Variants in ENPP6 observed in about 807,000 individuals in gnomAD.
ENPP6 encodes the protein glycerophosphocholine cholinephosphodiesterase ENPP6.
ENPP6 carries 32 observed loss-of-function variants against 42.0 expected under a neutral mutation model. That is an observed-to-expected ratio of 0.76 (90% CI 0.58 to 1.02). The LOEUF is 1.02. Among genes scored for constraint, ENPP6 ranks in the 50% least tolerant of loss-of-function variants. The pLI is 0.00. For missense variants in ENPP6, 552 were observed against 566.8 expected, an observed-to-expected ratio of 0.97 and a Z score of 0.27; for synonymous variants, 213 against 216.0, an observed-to-expected ratio of 0.99 and a Z score of 0.12.
chr4:184,200,861 T>A (rs538661046), intron 1 of ENPP6, among the ~76,000 whole-genome samples: 2 of 152,342 alleles, frequency 1.3e-5, no homozygotes, highest in East Asian at 3.9e-4. Flanking sequence ...TGCAGACATG[T>A]ACACACATTC....
At chr4:184,169,989 T>A (rs1428184285) in intron 1 of ENPP6, among the ~76,000 whole-genome samples, 1 of 152,222 alleles carries the variant, frequency 6.6e-6, no homozygotes, top group Admixed American at 6.5e-5. Context: ...TGTGCCTGTC[T>A]CTAGTACTGA....
At position 184,207,507 on chromosome 4, in the gene ENPP6, T is replaced by C. The variant is rs143801910; in HGVS notation, c.241+10072A>G. Among the ~76,000 whole-genome samples, 20 of 152,328 alleles carry C rather than the reference T, an allele frequency of 1.3e-4. No homozygotes were observed. In the East Asian group the frequency reaches 3.3e-3, roughly 25 times the overall value. Reference sequence around the variant, plus strand: ...CTTTACGAAAAGATCCACGGTAAGATACACTAAAACAGAAAGCATTCCAAG... The same window carrying C: ...CTTTACGAAAAGATCCACGGTAAGACACACTAAAACAGAAAGCATTCCAAG... On this transcript the variant is annotated intron_variant, in intron 1 of 7. Coordinates refer to ENST00000296741, the MANE Select transcript of ENPP6 (RefSeq NM_153343.4).
intron 2 of ENPP6, among the ~76,000 whole-genome samples, chr4:184,139,346 G>GT (rs1185153039): frequency 1.2e-3 from 185 of 149,170 alleles, no homozygotes; most frequent in African/African-American, 2.1e-3. Flanking sequence ...TTTTTTTTTA[G>GT]TTTTTTTTTT....
intron 1 of ENPP6, among the ~76,000 whole-genome samples, chr4:184,195,268 T>C (rs1732777594): frequency 6.6e-6 from 1 of 152,146 alleles, no homozygotes; most frequent in African/African-American, 2.4e-5. Flanking sequence ...TTCCTGATCC[T>C]CTCCCTCCTC....
chr4:184,177,537 C>A lies in ENPP6; in HGVS notation c.242-23804G>T, dbSNP rs540304953. Among the ~76,000 whole-genome samples, 10 of 152,332 alleles carry A rather than the reference C, an allele frequency of 6.6e-5. No individual in the cohort carries two copies. The South Asian group carries it at 1.9e-3, about 28-fold the overall frequency. ...AGCCAGAGTGCTTTGTTAAGCGGGT[C>A]TCTGATCCTGTGACTCCTGAGCGGT... On this transcript the variant is annotated intron_variant, in intron 1 of 7. Coordinates refer to ENST00000296741, the MANE Select transcript of ENPP6 (RefSeq NM_153343.4).
rs566887733 is a variant in ENPP6, at chr4:184,165,012, T to C, written c.242-11279A>G. On this transcript the variant is annotated intron_variant, in intron 1 of 7. Transcript: ENST00000296741. ...GCTGCTGGTGTTACACTTGCTATCA[T>C]GCACTCTGTGAAGCCTCCACCCTCA... 7.9e-5 allele frequency among the ~76,000 whole-genome samples: 12 copies of C among 152,306 alleles called. No individual in the cohort carries two copies. The South Asian group carries it at 2.3e-3, about 29-fold the overall frequency.
intron 6 of ENPP6, among the ~76,000 whole-genome samples, chr4:184,110,183 C>T (rs969109685): frequency 2.6e-5 from 4 of 152,190 alleles, no homozygotes; most frequent in African/African-American, 9.7e-5. Flanking sequence ...CCCCTTCTTT[C>T]TGTTCTTTGT....
intron 2 of ENPP6, among the ~76,000 whole-genome samples, chr4:184,142,737 T>A (rs1168155571): frequency 6.6e-6 from 1 of 152,212 alleles, no homozygotes; most frequent in Non-Finnish European, 1.5e-5. Flanking sequence ...AGAGGGAACG[T>A]GTGCCATACC....
intron 1 of ENPP6, among the ~76,000 whole-genome samples, chr4:184,194,937 A>C (rs1732771697): frequency 6.6e-6 from 1 of 152,190 alleles, no homozygotes; most frequent in South Asian, 2.1e-4. Flanking sequence ...CCTAGACCTC[A>C]GCAGGAAAAA....
intron 1 of ENPP6, among the ~76,000 whole-genome samples, chr4:184,198,289 C>A (rs778258083): frequency 2.6e-5 from 4 of 152,226 alleles, no homozygotes; most frequent in Non-Finnish European, 5.9e-5. Flanking sequence ...TCTGAGTAAG[C>A]ACTGGTCCCC....
At chr4:184,208,609 A>G (rs36184274) in intron 1 of ENPP6, among the ~76,000 whole-genome samples, 32,762 of 150,420 alleles carry the variant, frequency 0.22, 4,612 homozygotes, top group Non-Finnish European at 0.32. Flanking sequence ...AGTCTCGCTG[A>G]TTGCTAGCAC....
At chr4:184,153,111 A>G (rs1164693391) in intron 2 of ENPP6, among the ~76,000 whole-genome samples, 1 of 149,302 alleles carries the variant, frequency 6.7e-6, no homozygotes, top group Non-Finnish European at 1.5e-5. Flanking sequence ...TGTGCCCATA[A>G]GACATATTTC....
intron 1 of ENPP6, among the ~76,000 whole-genome samples, chr4:184,191,105 C>T (rs754659474): frequency 3.9e-5 from 6 of 152,240 alleles, no homozygotes; most frequent in Non-Finnish European, 5.9e-5. Context: ...AAGGGAGAGA[C>T]ACGTAGATGC....
At chr4:184,152,005 G>A (rs746318990) in intron 2 of ENPP6, among the ~76,000 whole-genome samples, 14 of 152,200 alleles carry the variant, frequency 9.2e-5, no homozygotes, top group Non-Finnish European at 1.8e-4. Flanking sequence ...GGAATCTTAG[G>A]TGTCTTCTGA....
chr4:184,180,205 C>T (rs2111099690), intron 1 of ENPP6, among the ~76,000 whole-genome samples: 1 of 152,214 alleles, frequency 6.6e-6, no homozygotes, highest in South Asian at 2.1e-4. Context: ...GAAATACATA[C>T]AACCATCAGA....
intron 7 of ENPP6, among the ~76,000 whole-genome samples, chr4:184,092,258 A>G (rs1350075914): frequency 1.3e-5 from 2 of 152,160 alleles, no homozygotes; most frequent in African/African-American, 4.8e-5. Flanking sequence ...CTCAGCAGCC[A>G]TGGCGATGGT....
chr4:184,097,410 C>A, intron 6 of ENPP6, 42 bp from the exon 7 acceptor site: 1 of 1,609,144 alleles, frequency 6.2e-7, no homozygotes, highest in Non-Finnish European at 8.5e-7. Flanking sequence ...ACGTCCTGAC[C>A]GTGGCGCTGA....
intron 2 of ENPP6, among the ~76,000 whole-genome samples, chr4:184,127,167 TA>T (rs1736518835): frequency 3.3e-5 from 5 of 152,162 alleles, no homozygotes; most frequent in Admixed American, 1.3e-4. Flanking sequence ...AGTAAGAATA[TA>T]AAAAGTGCAT....
chr4:184,104,897 AACAG>A (rs1031080381), intron 6 of ENPP6, among the ~76,000 whole-genome samples: 1 of 152,216 alleles, frequency 6.6e-6, no homozygotes, highest in Non-Finnish European at 1.5e-5. Context: ...CAGAGTCCAA[AACAG>A]ACAAACAAAT....
Sources: allele counts gnomAD v4.1 joint callset (sites outside exome capture counted in the v4.1 genomes callset), GRCh38; gene constraint gnomAD v4.1.1; transcripts MANE v1.5; gene names NCBI Gene and HGNC (gene_info 2026-07-23, HGNC 2026-07-21).